The following MBP variants were observed in gnomAD, a reference collection of about 807,000 sequenced individuals.
MBP encodes the protein Golli-MBP.
Under a neutral mutation model 35.8 loss-of-function variants are expected in MBP, and 16 were observed. The observed-to-expected ratio is 0.45, with a 90% CI of 0.30 to 0.68. The LOEUF (loss-of-function observed/expected upper bound fraction) is 0.68, where lower values mean the gene tolerates loss of function less well. Ranked by LOEUF, MBP falls within the 30% of genes least tolerant of loss-of-function variation. The pLI is 0.08. For missense variants in MBP, 380 were observed against 404.7 expected, an observed-to-expected ratio of 0.94 and a Z score of 0.52; for synonymous variants, 143 against 159.6, an observed-to-expected ratio of 0.90 and a Z score of 0.78.
intron 2 of MBP, among the ~76,000 whole-genome samples, chr18:77,078,723 C>T (rs182525813): frequency 6.6e-6 from 1 of 152,358 alleles, no homozygotes; most frequent in Admixed American, 6.5e-5. Flanking sequence ...ACATTCCTGA[C>T]AGGTGAGTTC....
intron 1 of MBP, among the ~76,000 whole-genome samples, chr18:77,107,033 G>C (rs568660521): frequency 9.9e-5 from 15 of 152,152 alleles, no homozygotes; most frequent in Non-Finnish European, 2.2e-4. Flanking sequence ...TTTGAACCCT[G>C]GGTACACAGG....
At chr18:77,080,088 T>C (rs1021827593) in intron 2 of MBP, among the ~76,000 whole-genome samples, 4 of 152,242 alleles carry the variant, frequency 2.6e-5, no homozygotes, top group Admixed American at 6.5e-5. Flanking sequence ...ATAAACTGTG[T>C]GTGTGCTGTC....
At chr18:76,992,258 A>G (rs536686892) in intron 4 of MBP, among the ~76,000 whole-genome samples, 208 of 152,274 alleles carry the variant, frequency 1.4e-3, no homozygotes, top group Non-Finnish European at 2.4e-3. Flanking sequence ...TCCACCTCAG[A>G]TCATCAGGCA....
intron 2 of MBP, among the ~76,000 whole-genome samples, chr18:77,069,666 G>T (rs574532288): frequency 3.1e-4 from 47 of 152,290 alleles, no homozygotes; most frequent in African/African-American, 1.1e-3. Context: ...GCGTGGCGGG[G>T]GATAACCTAG....
intron 2 of MBP, chr18:77,087,769 G>A (rs937375327): frequency 1.3e-5 from 2 of 152,162 alleles, no homozygotes; most frequent in Non-Finnish European, 2.9e-5. Flanking sequence ...CGCTGGGATG[G>A]GGCCTTCTCC....
intron 4 of MBP, chr18:77,015,988 C>T (rs972111800): frequency 9.6e-5 from 95 of 985,232 alleles, no homozygotes; most frequent in Non-Finnish European, 1.1e-4. Flanking sequence ...ACTTCTTTCT[C>T]TCCAAAATTA....
At chr18:77,114,203 A>G (rs184880409) in intron 1 of MBP, 4 of 152,354 alleles carry the variant, frequency 2.6e-5, no homozygotes, top group African/African-American at 9.6e-5. Flanking sequence ...GGCACTGACT[A>G]TCACTGCTTT....
chr18:77,066,540 G>A, intron 2 of MBP, 155 bp from the exon 3 acceptor site: 1 of 770,946 alleles, frequency 1.3e-6, no homozygotes, highest in Non-Finnish European at 2.4e-6. Flanking sequence ...TTCAGAGGAG[G>A]GTTTTCTGCG....
intron 2 of MBP, among the ~76,000 whole-genome samples, chr18:77,071,099 GT>G (rs1338175168): frequency 6.6e-6 from 1 of 152,160 alleles, no homozygotes; most frequent in Non-Finnish European, 1.5e-5. Context: ...GGCCCAGAGG[GT>G]AAGTTTCTAA....
Position 76,987,082 on chromosome 18 carries a change from A to G in MBP, c.750+1413T>C, listed in dbSNP as rs527241441. On this transcript the variant is annotated intron_variant, in intron 7 of 8. Coordinates refer to ENST00000355994, the MANE Select transcript of MBP (RefSeq NM_001025101.2). ...AGTAGGACCCAAAAGGGAGAGATGC[A>G]GGGAGGAATGCAAGGGTCTTTCTTG... 4.1e-6 allele frequency: 4 copies of G among 985,488 alleles called. 1 individual carries two copies. In the African/African-American group the frequency reaches 7.0e-5, roughly 17 times the overall value. The allele number at this position is 985,488 out of a possible 1,614,324, so 61.0% of individuals were successfully genotyped here.
intron 3 of MBP, among the ~76,000 whole-genome samples, chr18:77,054,407 G>A (rs1973640110): frequency 6.6e-6 from 1 of 152,220 alleles, no homozygotes; most frequent in Non-Finnish European, 1.5e-5. Flanking sequence ...CCAGGAGGCT[G>A]CGGGAGGGAG....
Position 76,989,058 on chromosome 18 carries a change from TTGG to T in MBP, c.682-149_682-147del, listed in dbSNP as rs1273025758. ...CCCAGCCTCCCCACTTCTGTCCTAG[TTGG>T]TGAAGAAGTATAGACCTGAGATTGA... On this transcript the variant is annotated intron_variant, in intron 5 of 8. Transcript: ENST00000355994. The surrounding 1 kb of genome is among the most constrained non-coding windows in gnomAD (Gnocchi z 4.0). 1.3e-6 allele frequency: 1 copy of T among 778,664 alleles called. No homozygotes were observed. 48.2% of individuals were successfully genotyped at this position (778,664 alleles called of 1,614,324 possible).
chr18:77,015,715 C>T (rs944753966), intron 4 of MBP: 1 of 985,420 alleles, frequency 1.0e-6, no homozygotes, highest in Non-Finnish European at 1.2e-6. Context: ...TGTTTCTCTT[C>T]AACAATTTCA....
intron 4 of MBP, chr18:77,006,041 C>G (rs3794840): frequency 6.6e-6 from 1 of 152,288 alleles, no homozygotes; most frequent in Non-Finnish European, 1.5e-5. Flanking sequence ...ACGGCTATGA[C>G]GCAGTGCCAT....
At chr18:77,094,321 C>T (rs1332797177) in intron 2 of MBP, among the ~76,000 whole-genome samples, 1 of 152,202 alleles carries the variant, frequency 6.6e-6, no homozygotes, top group African/African-American at 2.4e-5. Flanking sequence ...TTTTATTCCT[C>T]TCTTTAGGAG....
rs1555730802 is a variant in MBP at position 77,112,169 on chromosome 18, G to GCACGCACACACACACACACACA, written c.-25-6884_-25-6883insTGTGTGTGTGTGTGTGTGCGTG. 2.6e-5 allele frequency among the ~76,000 whole-genome samples: 4 copies of GCACGCACACACACACACACACA among 150,994 alleles called. No individual in the cohort carries two copies. The East Asian group carries it at 7.9e-4, about 30-fold the overall frequency. On this transcript the variant is annotated intron_variant, in intron 1 of 8. Transcript: ENST00000355994. ...CCCGTAGAATGAACACCGTGCACAC[G>GCACGCACACACACACACACACA]CACACACACACACACACACACGTGC...
chr18:77,105,610 T>C (rs1029850993), intron 1 of MBP, among the ~76,000 whole-genome samples: 2 of 152,230 alleles, frequency 1.3e-5, no homozygotes, highest in African/African-American at 4.8e-5. Flanking sequence ...CATCCATCTA[T>C]CCATTCATAC....
chr18:77,095,802 A>G (rs553587969), intron 2 of MBP, among the ~76,000 whole-genome samples: 1 of 152,266 alleles, frequency 6.6e-6, no homozygotes, highest in South Asian at 2.1e-4. Flanking sequence ...TTCCGTAGAC[A>G]CCCCAGGCAG....
At chr18:77,054,039 C>T (rs947103422) in intron 3 of MBP, among the ~76,000 whole-genome samples, 12 of 152,258 alleles carry the variant, frequency 7.9e-5, no homozygotes, top group South Asian at 2.1e-4. Flanking sequence ...CTTGAGTGGA[C>T]GCGATGACTG....
Sources: gnomAD v4.1 joint callset for allele counts (sites outside exome capture counted in the v4.1 genomes callset) on GRCh38, gnomAD v4.1.1 for gene constraint, Gnocchi (gnomAD v3.1) non-coding constraint, MANE v1.5 for transcripts, NCBI Gene and HGNC (gene_info 2026-07-23, HGNC 2026-07-21) for gene names.